MROH1: variants seen among roughly 807,000 people sequenced by gnomAD.
MROH1 encodes the protein maestro heat-like repeat-containing protein family member 1.
In MROH1, 117 loss-of-function variants were observed where a neutral mutation model predicts 116.5. That is an observed-to-expected ratio of 1.00 (90% CI 0.86 to 1.17). The LOEUF (loss-of-function observed/expected upper bound fraction) is 1.17, where lower values mean the gene tolerates loss of function less well. Among genes scored for constraint, MROH1 ranks in the 50% most tolerant of loss-of-function variants. The pLI, the probability that MROH1 is intolerant of heterozygous loss-of-function variation, is 0.00. For synonymous variants in MROH1, 921 were observed against 583.9 expected (o/e 1.58, Z -8.32); for missense variants, 1,873 against 1,338.5 (o/e 1.40, Z -6.23).
At chr8:144,193,706 A>G (rs1829180753) in intron 10 of MROH1, among the ~76,000 whole-genome samples, 1 of 149,526 alleles carries the variant, frequency 6.7e-6, no homozygotes, top group South Asian at 2.1e-4. Flanking sequence ...CCTCTCGGGT[A>G]CAAGCGATCT....
intron 31 of MROH1, among the ~76,000 whole-genome samples, chr8:144,247,990 C>A (rs1431006426): frequency 6.6e-5 from 10 of 152,358 alleles, no homozygotes; most frequent in Admixed American, 5.9e-4. Context: ...CCACTGATAC[C>A]CTGGCCTGCT....
intron 12 of MROH1, among the ~76,000 whole-genome samples, chr8:144,206,851 G>A (rs1314253399): frequency 2.0e-5 from 3 of 151,526 alleles, no homozygotes; most frequent in Non-Finnish European, 4.4e-5. Context: ...TGGCCAACAT[G>A]GTGAAACCCT....
chr8:144,227,653 A>G (rs1838052441), intron 14 of MROH1, among the ~76,000 whole-genome samples: 1 of 151,384 alleles, frequency 6.6e-6, no homozygotes, highest in South Asian at 2.1e-4. Context: ...ACACACACAC[A>G]AAAAGTTGAA....
chr8:144,174,479 C>CTT (rs200035855), intron 4 of MROH1, among the ~76,000 whole-genome samples: 2 of 147,278 alleles, frequency 1.4e-5, no homozygotes, highest in African/African-American at 2.5e-5. Flanking sequence ...AATACATAAC[C>CTT]TTTTTTTTTT....
intron 10 of MROH1, among the ~76,000 whole-genome samples, chr8:144,197,417 C>CTTT (rs79749774): frequency 0.065 from 2,761 of 42,486 alleles, 875 homozygotes; most frequent in African/African-American, 0.12. Flanking sequence ...GCTGCAGCAT[C>CTTT]TTTTTTTTTT....
chr8:144,252,642 T>G (rs1333742391), intron 33 of MROH1: 1 of 147,530 alleles, frequency 6.8e-6, no homozygotes, highest in Non-Finnish European at 1.5e-5. Context: ...CACTCCAGCC[T>G]GGGCGACAGA....
At chr8:144,254,049 T>C (rs2133236250) in intron 33 of MROH1, among the ~76,000 whole-genome samples, 1 of 152,326 alleles carries the variant, frequency 6.6e-6, no homozygotes, top group East Asian at 1.9e-4. Context: ...CATTGTTTCC[T>C]CTGCCTCTGG....
At chr8:144,234,155 G>A (rs550843755) in intron 14 of MROH1, among the ~76,000 whole-genome samples, 4 of 152,156 alleles carry the variant, frequency 2.6e-5, no homozygotes, top group African/African-American at 7.2e-5. Context: ...GACTACAGGC[G>A]CCTGCAACCA....
chr8:144,235,611 C>A (rs1188594705), intron 14 of MROH1, among the ~76,000 whole-genome samples: 2 of 150,616 alleles, frequency 1.3e-5, no homozygotes, highest in African/African-American at 4.9e-5. Context: ...CGTTTTTGTT[C>A]TTTATTTTAG....
At position 144,219,503 on chromosome 8, in the gene MROH1, C is replaced by G. The variant is rs114442421; in HGVS notation, c.1142-1097C>G. Among the ~76,000 whole-genome samples the G allele has an allele frequency of 7.5e-3, 1,144 of 152,284 alleles. 14 individuals are homozygous for G. Among genetic ancestry groups the G allele is most frequent in the African/African-American group, 0.026 (1,075 of 41,560 alleles). On this transcript the variant is annotated intron_variant, in intron 12 of 43. Coordinates refer to ENST00000326134, the MANE Select transcript of MROH1 (RefSeq NM_032450.3). ...CCTTCCATACTTCCCAGTTCTGAGG[C>G]TATGAAGATCCTTCTACAGCATCTT...
chr8:144,155,378 A>G (rs1817785999), intron 1 of MROH1, among the ~76,000 whole-genome samples: 1 of 152,218 alleles, frequency 6.6e-6, no homozygotes, highest in Admixed American at 6.5e-5. Flanking sequence ...TGTATATTTC[A>G]TGGTAGTAAA....
chr8:144,163,654 A>G lies in MROH1; in HGVS notation c.-56-117A>G, dbSNP rs1820089199. ...GGCTCAAAGAAAATGTGACGGAGATATTTCCCCCAGAATAAATTCATTTAA... is the reference window on the plus strand; with the variant it reads ...GGCTCAAAGAAAATGTGACGGAGATGTTTCCCCCAGAATAAATTCATTTAA... On this transcript the variant is annotated intron_variant, in intron 2 of 43. Coordinates refer to ENST00000326134, the MANE Select transcript of MROH1 (RefSeq NM_032450.3). This position sits in a 1 kb window ranked among gnomAD's most constrained non-coding sequence, Gnocchi z 4.4. 30 of 685,742 alleles carry G rather than the reference A, an allele frequency of 4.4e-5. No homozygotes were observed. The East Asian group carries it at 8.4e-4, about 19-fold the overall frequency. The allele number at this position is 685,742 out of a possible 1,614,324, so 42.5% of individuals were successfully genotyped here.
rs566246790 is a variant in MROH1, at chr8:144,179,399, A to G, written c.169-56A>G. ...CTTGTAGAGACAGTGACAGGCACTC[A>G]GAGTGTCTGGGTGTGGGGCTCACCT... is the stretch of plus-strand genomic sequence containing the variant. On this transcript the variant is annotated intron_variant, in intron 4 of 43. Transcript: ENST00000326134. 3.5e-5 allele frequency: 56 copies of G among 1,598,688 alleles called. No homozygotes were observed. In the South Asian group the frequency reaches 6.1e-4, roughly 17 times the overall value.
chr8:144,156,782 T>C (rs1818240152), intron 1 of MROH1, among the ~76,000 whole-genome samples: 1 of 300 alleles, frequency 3.3e-3, no homozygotes, highest in Non-Finnish European at 0.012. Context: ...TTTAATTTCT[T>C]TTTTTTTTTT....
At chr8:144,256,568 G>A (rs1471758419) in intron 35 of MROH1, among the ~76,000 whole-genome samples, 1 of 152,232 alleles carries the variant, frequency 6.6e-6, no homozygotes, top group African/African-American at 2.4e-5. Context: ...AATGTGAATG[G>A]GATGGGGCAG....
intron 33 of MROH1, chr8:144,250,624 G>A: frequency 1.8e-6 from 1 of 566,768 alleles, no homozygotes; most frequent in Non-Finnish European, 3.2e-6. Flanking sequence ...CAGGGAAGCT[G>A]CTGTTTCTGC....
intron 12 of MROH1, among the ~76,000 whole-genome samples, chr8:144,215,457 T>A (rs1490362558): frequency 6.6e-6 from 1 of 152,148 alleles, no homozygotes; most frequent in African/African-American, 2.4e-5. Context: ...CAAAAACCAT[T>A]GTTAGTGAGG....
chr8:144,177,547 C>G (rs562525943), intron 4 of MROH1, among the ~76,000 whole-genome samples: 6 of 152,228 alleles, frequency 3.9e-5, no homozygotes, highest in African/African-American at 1.4e-4. Flanking sequence ...CTCCACCTGC[C>G]GTGGCGGCCA....
chr8:144,192,281 G>A (rs1207839524), intron 9 of MROH1, 28 bp from the exon 10 acceptor site: 1 of 1,552,122 alleles, frequency 6.4e-7, no homozygotes, highest in Non-Finnish European at 8.7e-7. Flanking sequence ...AGGTAGGACT[G>A]ACGGCCTCTT....
Sources: allele counts gnomAD v4.1 joint callset (sites outside exome capture counted in the v4.1 genomes callset), GRCh38; gene constraint gnomAD v4.1.1; non-coding constraint Gnocchi (gnomAD v3.1); transcripts MANE v1.5; gene names NCBI Gene and HGNC (gene_info 2026-07-23, HGNC 2026-07-21).